ACO1: variants seen among roughly 807,000 people sequenced by gnomAD.
ACO1 encodes cytoplasmic aconitate hydratase.
In ACO1, 78 loss-of-function variants were observed where a neutral mutation model predicts 105.1. That is an observed-to-expected ratio of 0.74 (90% CI 0.62 to 0.90). The LOEUF (loss-of-function observed/expected upper bound fraction) is 0.90, where lower values mean the gene tolerates loss of function less well. ACO1 is among the 40% of genes least tolerant of loss of function. The pLI is 0.00. For synonymous variants in ACO1, 364 were observed against 397.4 expected (o/e 0.92, Z 1.00); for missense variants, 965 against 1,111.1 (o/e 0.87, Z 1.87).
intron 20 of ACO1, among the ~76,000 whole-genome samples, chr9:32,449,432 C>T (rs1271262383): frequency 2.0e-5 from 3 of 152,160 alleles, no homozygotes; most frequent in Admixed American, 6.5e-5. Context: ...GATATACTCA[C>T]CCCTCCCTAA....
chr9:32,432,379 C>G (rs143073213), intron 15 of ACO1, among the ~76,000 whole-genome samples: 3 of 152,168 alleles, frequency 2.0e-5, no homozygotes, highest in Non-Finnish European at 4.4e-5. Flanking sequence ...TTCCTTTCCC[C>G]GCCTTCTGCA....
chr9:32,418,527 T>C lies in ACO1; in HGVS notation c.658+16T>C, dbSNP rs764759386. The C allele has an allele frequency of 6.2e-7, 1 of 1,604,110 alleles. No individual in the cohort carries two copies. The highest frequency in any genetic ancestry group is 8.5e-7 in the Non-Finnish European group (1 of 1,172,948). On this transcript the variant is annotated intron_variant, in intron 6 of 20. Transcript: ENST00000309951. Reference sequence around the variant, plus strand: ...CTTGGTTGGGGTGAGTGTTCTTCCATATATGCTGTTTTGGGGCATGCACTT... The same window carrying C: ...CTTGGTTGGGGTGAGTGTTCTTCCACATATGCTGTTTTGGGGCATGCACTT...
At chr9:32,418,816 A>T (rs1821907742) in intron 6 of ACO1, among the ~76,000 whole-genome samples, 1 of 152,210 alleles carries the variant, frequency 6.6e-6, no homozygotes, top group Non-Finnish European at 1.5e-5. Context: ...CATCAAGGGG[A>T]TTTTGATACA....
intron 17 of ACO1, among the ~76,000 whole-genome samples, chr9:32,435,315 CA>C (rs1477833427): frequency 6.6e-6 from 1 of 152,174 alleles, no homozygotes; most frequent in Non-Finnish European, 1.5e-5. Context: ...ATTTGAGGAA[CA>C]GAATCCAAAT....
At chr9:32,414,657 C>A (rs1483340584) in intron 4 of ACO1, among the ~76,000 whole-genome samples, 1 of 152,144 alleles carries the variant, frequency 6.6e-6, no homozygotes, top group Non-Finnish European at 1.5e-5. Context: ...GAAGCTCTGC[C>A]ATCCTCCTGG....
Position 32,423,388 on chromosome 9 carries a change from A to G in ACO1, c.1040A>G (p.Asn347Ser), listed in dbSNP as rs552340071. ...LQAVGMFRDF[N>S]DPSQDPDFTQ... Reference sequence around the variant, plus strand: ...GCTGTAGGAATGTTTCGAGATTTCAATGACCCTTCTCAAGACCCAGACTTC... The same window carrying G: ...GCTGTAGGAATGTTTCGAGATTTCAGTGACCCTTCTCAAGACCCAGACTTC... The change falls in exon 9 of 21, where the codon AAT becomes AGT. Residue 347 changes from asparagine to serine, a missense_variant. Physicochemically the swap from Asn to Ser is conservative, Grantham distance 46. Coordinates refer to ENST00000309951, the MANE Select transcript of ACO1 (RefSeq NM_002197.3). 7.0e-5 allele frequency: 112 copies of G among 1,601,970 alleles called. 1 individual carries two copies. The highest frequency in any genetic ancestry group is 5.0e-4 in the African/African-American group (37 of 74,288).
At chr9:32,424,364 G>A (rs3814520) in intron 9 of ACO1, among the ~76,000 whole-genome samples, 185 bp from the exon 10 acceptor site, 39,275 of 152,022 alleles carry the variant, frequency 0.26, 6,244 homozygotes, top group East Asian at 0.35. Context: ...TGATGATCTT[G>A]GGAAATTAAT....
chr9:32,426,744 T>G (rs1822109214), intron 11 of ACO1, among the ~76,000 whole-genome samples: 1 of 152,190 alleles, frequency 6.6e-6, no homozygotes, highest in African/African-American at 2.4e-5. Flanking sequence ...TGCTCATGTT[T>G]TTGCTACTTC....
In ACO1 at chr9:32,427,333, C is replaced by T; in HGVS notation, c.1381C>T (p.Leu461=). The change falls in exon 12 of 21, where the codon CTG becomes TTG. Residue 461 remains leucine (L), a synonymous_variant. Coordinates refer to ENST00000309951, the MANE Select transcript of ACO1 (RefSeq NM_002197.3). ...AGCAAAGAAAGCTGTGGATGCTGGC[C>T]TGAACGTGATGCCTTACATCAAAAC... ...LLAKKAVDAG[L]NVMPYIKTSL... is the part of the protein sequence containing the mutation. 6.2e-7 allele frequency: 1 copy of T among 1,614,222 alleles called. No individual in the cohort carries two copies. The highest frequency in any genetic ancestry group is 2.2e-5 in the East Asian group (1 of 44,888).
intron 1 of ACO1, among the ~76,000 whole-genome samples, chr9:32,400,387 G>A (rs1821469566): frequency 6.6e-6 from 1 of 152,164 alleles, no homozygotes; most frequent in East Asian, 1.9e-4. Context: ...GGGGTGGGAA[G>A]GGAGGGCCCC....
rs1490554343 is a variant in ACO1 at position 32,448,974 on chromosome 9, G to A, written c.2449G>A (p.Glu817Lys). 1 of 1,613,944 alleles carries A rather than the reference G, an allele frequency of 6.2e-7. No homozygotes were observed. Among genetic ancestry groups the A allele is most frequent in the Admixed American group, 1.7e-5 (1 of 60,014 alleles). Residue 817 changes from glutamate (E) to lysine (K), a missense_variant, in exon 20 of 21, where the codon GAA becomes AAA. Coordinates refer to ENST00000309951, the MANE Select transcript of ACO1 (RefSeq NM_002197.3). ...NLVGMGVIPL[E>K]YLPGENADAL... ...GGTTGGGATGGGTGTGATCCCACTT[G>A]AATATCTCCCTGGTGAGAATGCAGA...
Position 32,451,716 on chromosome 9 carries a change from A to C in ACO1, c.*1605A>C, listed in dbSNP as rs551142358. The C allele has an allele frequency of 6.6e-6, 1 of 152,224 alleles. No homozygotes were observed. The highest frequency in any genetic ancestry group is 1.9e-4 in the East Asian group (1 of 5,198). 9.4% of individuals were successfully genotyped at this position (152,224 alleles called of 1,614,324 possible). A position where few individuals can be genotyped will look rare whatever the true frequency, so the allele number is the denominator to read the frequency against. On this transcript the variant is annotated 3_prime_UTR_variant, in exon 21 of 21. Coordinates refer to ENST00000309951, the MANE Select transcript of ACO1 (RefSeq NM_002197.3). ...GAGGGATCAAGACAGGTTATTTAGC[A>C]TCCCTGCACTTGCGGTCCTGGGGAT...
intron 19 of ACO1, among the ~76,000 whole-genome samples, chr9:32,442,444 TATTA>T (rs1390150127): frequency 3.3e-5 from 5 of 152,202 alleles, no homozygotes; most frequent in African/African-American, 1.2e-4. Flanking sequence ...ATATGACAGT[TATTA>T]ATTATTAATA....
chr9:32,437,580 G>A (rs1033117148), intron 18 of ACO1, among the ~76,000 whole-genome samples: 2 of 152,158 alleles, frequency 1.3e-5, no homozygotes, highest in African/African-American at 4.8e-5. Flanking sequence ...ACATCACAGT[G>A]TACCACACGC....
chr9:32,408,531 T>C lies in ACO1; in HGVS notation c.284T>C (p.Val95Ala), dbSNP rs142930707. ...LQDFTGVPAVVDFAAMRDAVK... is the reference protein window; with the variant it reads ...LQDFTGVPAVADFAAMRDAVK... Reference sequence around the variant, plus strand: ...TCTCTTAGGGGTGTGCCCGCTGTGGTTGACTTTGCTGCAATGCGTGATGCT... The same window carrying C: ...TCTCTTAGGGGTGTGCCCGCTGTGGCTGACTTTGCTGCAATGCGTGATGCT... Residue 95 changes from valine to alanine, a missense_variant, in exon 4 of 21, where the codon GTT becomes GCT. Val to Ala is a moderately conservative substitution (Grantham distance 64, BLOSUM62 0). Coordinates refer to ENST00000309951, the MANE Select transcript of ACO1 (RefSeq NM_002197.3). 19 of 1,614,184 alleles carry C rather than the reference T, an allele frequency of 1.2e-5. 1 individual carries two copies. In the African/African-American group the frequency reaches 2.3e-4, roughly 19 times the overall value.
intron 1 of ACO1, among the ~76,000 whole-genome samples, chr9:32,388,660 T>C (rs1821203704): frequency 6.6e-6 from 1 of 152,236 alleles, no homozygotes; most frequent in African/African-American, 2.4e-5. Context: ...ACATATTCCA[T>C]TCCATGTATT....
At chr9:32,428,281 C>CAA (rs199515069) in intron 12 of ACO1, among the ~76,000 whole-genome samples, 365 of 110,446 alleles carry the variant, frequency 3.3e-3, no homozygotes, top group African/African-American at 6.2e-3. Context: ...GACCCTGTCT[C>CAA]AAAAAAAAAA....
chr9:32,415,881 A>G (rs1313621380), intron 4 of ACO1, among the ~76,000 whole-genome samples: 6 of 152,074 alleles, frequency 3.9e-5, no homozygotes, highest in African/African-American at 7.2e-5. Flanking sequence ...CTTCCCCCCA[A>G]CACCCCAGCC....
intron 19 of ACO1, among the ~76,000 whole-genome samples, chr9:32,444,691 G>T (rs1297228896): frequency 6.6e-6 from 1 of 152,116 alleles, no homozygotes; most frequent in Non-Finnish European, 1.5e-5. Flanking sequence ...CTTCTCTTGT[G>T]CCGGTTTTCA....
Sources: gnomAD v4.1 joint callset for allele counts (sites outside exome capture counted in the v4.1 genomes callset) on GRCh38, gnomAD v4.1.1 for gene constraint, MANE v1.5 for transcripts, NCBI Gene and HGNC (gene_info 2026-07-23, HGNC 2026-07-21) for gene names.